Variants in WFS1 observed in about 807,000 individuals in gnomAD.
WFS1 encodes the protein wolframin ER transmembrane glycoprotein.
Under a neutral mutation model 68.5 loss-of-function variants are expected in WFS1, and 90 were observed. The observed-to-expected ratio is 1.31, with a 90% CI of 1.11 to 1.56. The LOEUF is 1.56. Ranked by LOEUF, WFS1 falls within the 40% of genes most tolerant of loss-of-function variation. The pLI is 0.00. For missense variants in WFS1, 1,767 were observed against 1,232.6 expected (o/e 1.43, Z -6.49); for synonymous variants, 860 against 540.7 (o/e 1.59, Z -8.19).
At chr4:6,293,312 T>C (rs946734480) in intron 6 of WFS1, among the ~76,000 whole-genome samples, 14 of 152,064 alleles carry the variant, frequency 9.2e-5, no homozygotes, top group African/African-American at 3.1e-4. Context: ...CAGCCTGTGG[T>C]CCCCTCCGCC....
rs1304501380 is a variant in WFS1, at chr4:6,287,145, C to A, written c.285C>A (p.Ala95=). The A allele has an allele frequency of 4.5e-6, 7 of 1,561,432 alleles. No homozygotes were observed. Among genetic ancestry groups the A allele is most frequent in the Non-Finnish European group, 6.1e-6 (7 of 1,151,464 alleles). The part of the protein sequence containing the change: ...EIPFEEVLER[A]KAGDPKAQTE... Reference sequence around the variant, plus strand: ...CCTTTGAAGAAGTCCTGGAGAGGGCCAAGGCCGGGGACCCCAAGGCACAGA... The same window carrying A: ...CCTTTGAAGAAGTCCTGGAGAGGGCAAAGGCCGGGGACCCCAAGGCACAGA... Residue 95 remains alanine, a synonymous_variant, in exon 3 of 8, where the codon GCC becomes GCA. Transcript: ENST00000226760. The surrounding 1 kb of genome is among the most constrained non-coding windows in gnomAD (Gnocchi z 6.4).
At chr4:6,285,434 G>T (rs760672037) in intron 2 of WFS1, among the ~76,000 whole-genome samples, 1 of 152,158 alleles carries the variant, frequency 6.6e-6, no homozygotes, top group Non-Finnish European at 1.5e-5. Context: ...AGGGGCCTTT[G>T]TGTTGGCGAG....
At chr4:6,297,225 G>A (rs778650935) in intron 7 of WFS1, among the ~76,000 whole-genome samples, 22 of 152,172 alleles carry the variant, frequency 1.4e-4, no homozygotes, top group Admixed American at 6.5e-5. Flanking sequence ...AGAGCACTTC[G>A]ATTCCTTTGC....
intron 2 of WFS1, among the ~76,000 whole-genome samples, chr4:6,278,811 G>A (rs1040938579): frequency 6.6e-6 from 1 of 152,250 alleles, no homozygotes; most frequent in African/African-American, 2.4e-5. Flanking sequence ...TGTTTTGGAG[G>A]CCTCTGGGCG....
chr4:6,295,269 G>A, intron 7 of WFS1, 80 bp downstream of exon 7: 2 of 1,579,970 alleles, frequency 1.3e-6, no homozygotes, highest in Non-Finnish European at 1.7e-6. Context: ...CTTCCAGGAA[G>A]CTGCAGGTGG....
In WFS1 at chr4:6,302,349, G is replaced by GCCCAGC. The variant is rs730880368; in HGVS notation, c.2555_2560dup (p.Gln853_Leu854insProGln). ...GGCCATCAGCTGCCTCAACTGCATGGCCCAGCTCTCACCCACCAGGCGGCA... is the reference window on the plus strand; with the variant it reads ...GGCCATCAGCTGCCTCAACTGCATGGCCCAGCCCCAGCTCTCACCCACCAGGCGGCA... On this transcript the variant is annotated inframe_insertion, in exon 8 of 8. Coordinates refer to ENST00000226760, the MANE Select transcript of WFS1 (RefSeq NM_006005.3). 4.3e-6 allele frequency: 7 copies of GCCCAGC among 1,612,908 alleles called. No homozygotes were observed. Among genetic ancestry groups the GCCCAGC allele is most frequent in the Non-Finnish European group, 5.9e-6 (7 of 1,179,996 alleles).
Position 6,300,794 on chromosome 4 carries a change from C to T in WFS1, c.999C>T (p.Val333=), listed in dbSNP as rs1166118117. 3 of 1,613,940 alleles carry T rather than the reference C, an allele frequency of 1.9e-6. No individual in the cohort carries two copies. The highest frequency in any genetic ancestry group is 2.5e-6 in the Non-Finnish European group (3 of 1,179,962). Residue 333 remains valine (V), a synonymous_variant, in exon 8 of 8, where the codon GTC becomes GTT. Transcript: ENST00000226760. The stretch of plus-strand genomic sequence containing the variant: ...ACGCGCTCATCTTCTTCTTCATCGT[C>T]AGCAACCTCACCATCGACTTCTTCG... ...HINALIFFFI[V]SNLTIDFFAF...
rs764575177 is a variant in WFS1, at chr4:6,300,640, T to C, written c.862-17T>C. On this transcript the variant is annotated splice_polypyrimidine_tract_variant and intron_variant, in intron 7 of 7. Transcript: ENST00000226760. ...GTCCTGTCCCAGCCTCGTTCCCACG[T>C]ACCATCTTTCCCCCAGGTGGTCAAG... 2 of 1,613,800 alleles carry C rather than the reference T, an allele frequency of 1.2e-6. No individual in the cohort carries two copies. Among genetic ancestry groups the C allele is most frequent in the South Asian group, 2.2e-5 (2 of 91,052 alleles).
intron 7 of WFS1, among the ~76,000 whole-genome samples, chr4:6,300,028 A>G (rs995285608): frequency 6.6e-6 from 1 of 152,012 alleles, no homozygotes; most frequent in Non-Finnish European, 1.5e-5. Flanking sequence ...GTCTCCGGCC[A>G]TAGGGAGGGC....
intron 1 of WFS1, among the ~76,000 whole-genome samples, chr4:6,273,880 C>T (rs1159559874): frequency 6.6e-6 from 1 of 152,162 alleles, no homozygotes; most frequent in Non-Finnish European, 1.5e-5. Flanking sequence ...TCTTACTAAC[C>T]AGAGATTTTA....
chr4:6,295,729 G>T (rs1039856558), intron 7 of WFS1, among the ~76,000 whole-genome samples: 2 of 152,258 alleles, frequency 1.3e-5, no homozygotes, highest in Non-Finnish European at 2.9e-5. Flanking sequence ...GGCACACCTG[G>T]AGGACATGAG....
At chr4:6,293,631 C>T (rs1266585491) in intron 6 of WFS1, among the ~76,000 whole-genome samples, 2 of 152,182 alleles carry the variant, frequency 1.3e-5, no homozygotes, top group Non-Finnish European at 2.9e-5. Context: ...CCCACCAGGC[C>T]CGGGGCCCTT....
chr4:6,298,166 C>T (rs1298622219), intron 7 of WFS1, among the ~76,000 whole-genome samples: 1 of 152,232 alleles, frequency 6.6e-6, no homozygotes, highest in Non-Finnish European at 1.5e-5. Flanking sequence ...CTTTAGTTGT[C>T]CTGCTGTTCG....
At chr4:6,277,756 C>A in intron 2 of WFS1, 69 bp downstream of exon 2, 1 of 1,526,570 alleles carries the variant, frequency 6.6e-7, no homozygotes, top group Non-Finnish European at 8.8e-7. Flanking sequence ...CGGGGTTCAG[C>A]CACCCCTGGA....
chr4:6,300,928 C>A lies in WFS1; in HGVS notation c.1133C>A (p.Thr378Asn). The change falls in exon 8 of 8, where the codon ACC becomes AAC. Residue 378 changes from threonine (T) to asparagine (N), a missense_variant. Thr to Asn is a moderately conservative substitution (Grantham distance 65, BLOSUM62 0). Transcript: ENST00000226760. ...SKAWENFRTL[T>N]DLLLRFEPNL... is the part of the protein sequence containing the mutation. ...GCCTGGGAGAACTTCCGCACCCTCA[C>A]CGACCTGCTGCTGCGCTTCGAGCCC... The A allele has an allele frequency of 6.2e-7, 1 of 1,614,202 alleles. No homozygotes were observed. The highest frequency in any genetic ancestry group is 1.3e-5 in the African/African-American group (1 of 75,050).
intron 6 of WFS1, chr4:6,294,803 C>T (rs1730578896): frequency 5.3e-6 from 3 of 564,888 alleles, no homozygotes; most frequent in South Asian, 3.9e-5. Flanking sequence ...GGGGACAGCA[C>T]ACCCAGGGGC....
Position 6,300,968 on chromosome 4 carries a change from G to A in WFS1, c.1173G>A (p.Glu391=), listed in dbSNP as rs202104460. 6.7e-5 allele frequency: 108 copies of A among 1,614,004 alleles called. No homozygotes were observed. In the East Asian group the frequency reaches 2.2e-3, roughly 33 times the overall value. The change falls in exon 8 of 8, where the codon GAG becomes GAA. Residue 391 remains glutamate (E), a synonymous_variant. Transcript: ENST00000226760. The stretch of plus-strand genomic sequence containing the variant: ...GCTTCGAGCCCAACCTGGATGTGGA[G>A]CAGGCCGAGGTCAACTTCGGCTGGA... The part of the protein sequence containing the change: ...LLRFEPNLDV[E]QAEVNFGWNH...
intron 6 of WFS1, among the ~76,000 whole-genome samples, chr4:6,293,465 G>A (rs113558909): frequency 0.014 from 2,200 of 152,212 alleles, 62 homozygotes; most frequent in African/African-American, 0.05. Context: ...CTCGTCCTCC[G>A]TCCTTTGCTC....
chr4:6,286,040 G>A (rs779123365), intron 2 of WFS1, among the ~76,000 whole-genome samples: 16 of 152,226 alleles, frequency 1.1e-4, no homozygotes, highest in Non-Finnish European at 2.4e-4. Flanking sequence ...TGGCACCACC[G>A]TAGAAAACAA....
Sources: gnomAD v4.1 joint callset for allele counts (sites outside exome capture counted in the v4.1 genomes callset) on GRCh38, gnomAD v4.1.1 for gene constraint, Gnocchi (gnomAD v3.1) non-coding constraint, MANE v1.5 for transcripts, NCBI Gene and HGNC (gene_info 2026-07-23, HGNC 2026-07-21) for gene names.